The following FAM135B variants were observed in gnomAD, a reference collection of about 807,000 sequenced individuals.
FAM135B encodes protein FAM135B.
In FAM135B, 43 loss-of-function variants were observed where a neutral mutation model predicts 127.7. The observed-to-expected ratio is 0.34, with a 90% CI of 0.26 to 0.43. The LOEUF is 0.43. FAM135B is among the 20% of genes least tolerant of loss of function. The pLI, the probability that FAM135B is intolerant of heterozygous loss-of-function variation, is 1.00. For synonymous variants in FAM135B, 670 were observed against 665.1 expected, an observed-to-expected ratio of 1.01 and a Z score of -0.11; for missense variants, 1,558 against 1,725.6, an observed-to-expected ratio of 0.90 and a Z score of 1.72.
At chr8:138,135,808 G>A (rs1816609556) in intron 19 of FAM135B, among the ~76,000 whole-genome samples, 1 of 151,946 alleles carries the variant, frequency 6.6e-6, no homozygotes, top group Non-Finnish European at 1.5e-5. Flanking sequence ...GTTAAATTAT[G>A]GTATATGCAT....
At chr8:138,331,034 G>A (rs947539679) in intron 2 of FAM135B, among the ~76,000 whole-genome samples, 1 of 152,028 alleles carries the variant, frequency 6.6e-6, no homozygotes, top group African/African-American at 2.4e-5. Context: ...TAGAGATGGG[G>A]TTTCTCCATG....
intron 1 of FAM135B, among the ~76,000 whole-genome samples, chr8:138,465,532 C>T (rs1837338154): frequency 6.6e-6 from 1 of 152,198 alleles, no homozygotes; most frequent in Non-Finnish European, 1.5e-5. Context: ...TGCTTTCTCA[C>T]CACCCAGAAA....
rs368182418 is a variant in FAM135B at position 138,152,456 on chromosome 8, G to A, written c.2019C>T (p.Ser673=). 6.6e-5 allele frequency: 106 copies of A among 1,614,092 alleles called. 1 individual carries two copies. Among genetic ancestry groups the A allele is most frequent in the East Asian group, 3.1e-4 (14 of 44,848 alleles). Residue 673 remains serine (S), a synonymous_variant, in exon 13 of 20, where the codon TCC becomes TCT. Transcript: ENST00000395297. ...TGGATGAAGATCTCTTGATGACCCC[G>A]GATAGCACTGAGAGTTCCTCCTGCT... The part of the protein sequence containing the change: ...TEEQEELSVL[S]GVIKRSSSII...
intron 2 of FAM135B, 47 bp downstream of exon 2, chr8:138,367,859 CA>C: frequency 1.5e-6 from 2 of 1,307,940 alleles, no homozygotes; most frequent in Non-Finnish European, 2.1e-6. Context: ...AAGAAACAAA[CA>C]ACACACACAC....
intron 2 of FAM135B, among the ~76,000 whole-genome samples, chr8:138,332,834 C>T (rs1410940297): frequency 6.6e-6 from 1 of 152,252 alleles, no homozygotes; most frequent in East Asian, 1.9e-4. Context: ...TTCTCAACAT[C>T]TGTGTGGTGC....
chr8:138,329,896 A>C (rs1281534430), intron 2 of FAM135B, among the ~76,000 whole-genome samples: 1 of 152,220 alleles, frequency 6.6e-6, no homozygotes, highest in Admixed American at 6.5e-5. Context: ...ATAAATATTA[A>C]CGAATTGAAT....
At chr8:138,426,217 A>AGACT (rs1179515190) in intron 1 of FAM135B, among the ~76,000 whole-genome samples, 1 of 151,064 alleles carries the variant, frequency 6.6e-6, no homozygotes, top group Non-Finnish European at 1.5e-5. Context: ...GTACCAAGGA[A>AGACT]GACTACATCA....
At chr8:138,286,646 C>T (rs1335084060) in intron 3 of FAM135B, among the ~76,000 whole-genome samples, 3 of 152,216 alleles carry the variant, frequency 2.0e-5, no homozygotes, top group Non-Finnish European at 4.4e-5. Context: ...GGAAGCATTG[C>T]TCATGGACTA....
In FAM135B at chr8:138,467,551, C is replaced by T. The variant is rs539244321; in HGVS notation, c.-20+29120G>A. 3.9e-5 allele frequency among the ~76,000 whole-genome samples: 6 copies of T among 152,292 alleles called. No individual in the cohort carries two copies. The South Asian group carries it at 1.0e-3, about 26-fold the overall frequency. On this transcript the variant is annotated intron_variant, in intron 1 of 19. Coordinates refer to ENST00000395297, the MANE Select transcript of FAM135B (RefSeq NM_015912.4). ...TTCCATTGGACAGTATTGCCTTAGA[C>T]CTCACTTCTAGTGCTTCTGAAATAC... is the stretch of plus-strand genomic sequence containing the variant.
At chr8:138,475,075 A>G (rs917838932) in intron 1 of FAM135B, among the ~76,000 whole-genome samples, 1 of 142,712 alleles carries the variant, frequency 7.0e-6, no homozygotes, top group Non-Finnish European at 1.5e-5. Flanking sequence ...CTTCTAGGTT[A>G]GTGAAAAATA....
chr8:138,260,178 C>T (rs1822438136), intron 4 of FAM135B, among the ~76,000 whole-genome samples: 1 of 152,188 alleles, frequency 6.6e-6, no homozygotes, highest in South Asian at 2.1e-4. Context: ...GCCTGAGAAC[C>T]TGGCCTTTAA....
chr8:138,159,767 G>T (rs1819178512), intron 12 of FAM135B, among the ~76,000 whole-genome samples: 1 of 85,144 alleles, frequency 1.2e-5, no homozygotes, highest in Admixed American at 1.3e-4. Flanking sequence ...TTAAAAAAAA[G>T]AATTTGGCTT....
chr8:138,371,162 A>C (rs2131235742), intron 1 of FAM135B, among the ~76,000 whole-genome samples: 1 of 152,228 alleles, frequency 6.6e-6, no homozygotes, highest in South Asian at 2.1e-4. Flanking sequence ...CCATTCCTTA[A>C]CTTCTCTGTC....
Position 138,353,079 on chromosome 8 carries a change from T to A in FAM135B, c.77+14828A>T, listed in dbSNP as rs183919986. Among the ~76,000 whole-genome samples the A allele has an allele frequency of 2.0e-5, 3 of 152,252 alleles. No individual in the cohort carries two copies. The East Asian group carries it at 5.8e-4, about 29-fold the overall frequency. ...ATGTTCTGACCCATATCCGATCACA[T>A]CACTCCCCTACTTGAAACATTCCAC... On this transcript the variant is annotated intron_variant, in intron 2 of 19. Transcript: ENST00000395297.
intron 3 of FAM135B, among the ~76,000 whole-genome samples, chr8:138,287,569 T>TAC (rs1824792013): frequency 6.6e-6 from 1 of 151,972 alleles, no homozygotes; most frequent in African/African-American, 2.4e-5. Context: ...CAGAAATGGT[T>TAC]ACAGAATCAT....
chr8:138,224,196 T>G (rs1028410057), intron 7 of FAM135B, among the ~76,000 whole-genome samples: 1 of 152,052 alleles, frequency 6.6e-6, no homozygotes, highest in Admixed American at 6.5e-5. Flanking sequence ...TTGAAAAAGA[T>G]AAAAATAAAA....
At chr8:138,469,815 A>G (rs1483387446) in intron 1 of FAM135B, among the ~76,000 whole-genome samples, 1 of 152,214 alleles carries the variant, frequency 6.6e-6, no homozygotes, top group Non-Finnish European at 1.5e-5. Context: ...GCTTACATTT[A>G]CAGTCCCCAA....
intron 7 of FAM135B, among the ~76,000 whole-genome samples, chr8:138,232,472 T>C (rs1419830906): frequency 6.6e-6 from 1 of 152,184 alleles, no homozygotes; most frequent in Non-Finnish European, 1.5e-5. Context: ...TTCATGAAAA[T>C]GAACTGTGGA....
intron 2 of FAM135B, among the ~76,000 whole-genome samples, chr8:138,350,911 G>A (rs1042700645): frequency 3.3e-5 from 5 of 151,938 alleles, no homozygotes; most frequent in Admixed American, 2.6e-4. Context: ...ATCTAATGTC[G>A]TTGCCATATA....
Sources: gnomAD v4.1 joint callset for allele counts (sites outside exome capture counted in the v4.1 genomes callset) on GRCh38, gnomAD v4.1.1 for gene constraint, MANE v1.5 for transcripts, NCBI Gene and HGNC (gene_info 2026-07-23, HGNC 2026-07-21) for gene names.